The following RAP1B variants were observed in gnomAD, a reference collection of about 807,000 sequenced individuals.
RAP1B encodes RAP1B, member of RAS oncogene family.
Under a neutral mutation model 27.5 loss-of-function variants are expected in RAP1B, and 1 was observed. The observed-to-expected ratio is 0.04, with a 90% CI of 0.01 to 0.17. The LOEUF (loss-of-function observed/expected upper bound fraction) is 0.17. RAP1B is among the 10% of genes least tolerant of loss of function. RAP1B has a pLI of 1.00. For missense variants in RAP1B, 84 were observed against 214.8 expected (o/e 0.39, Z 3.81); for synonymous variants, 75 against 73.1 (o/e 1.03, Z -0.13).
intron 3 of RAP1B, chr12:68,651,019 T>C (rs1396308109): frequency 1.3e-5 from 2 of 152,262 alleles, no homozygotes; most frequent in Non-Finnish European, 2.9e-5. Context: ...CTCATACACA[T>C]AATCTTACAT....
At chr12:68,623,505 T>C (rs1374548380) in intron 1 of RAP1B, among the ~76,000 whole-genome samples, 1 of 152,186 alleles carries the variant, frequency 6.6e-6, no homozygotes, top group African/African-American at 2.4e-5. Flanking sequence ...GATTTCAGAA[T>C]TTTGAGGAAA....
chr12:68,635,468 C>CT (rs1872563999), intron 1 of RAP1B, among the ~76,000 whole-genome samples: 1 of 151,956 alleles, frequency 6.6e-6, no homozygotes, highest in South Asian at 2.1e-4. Flanking sequence ...TTTAAGGCCT[C>CT]TTTTTTTGAG....
intron 1 of RAP1B, among the ~76,000 whole-genome samples, chr12:68,642,363 CAAG>C (rs1452590904): frequency 6.6e-6 from 1 of 152,022 alleles, no homozygotes; most frequent in Non-Finnish European, 1.5e-5. Flanking sequence ...AAAGGCAACA[CAAG>C]AAGTTAAATG....
intron 5 of RAP1B, among the ~76,000 whole-genome samples, chr12:68,655,048 C>A (rs1240214843): frequency 1.3e-5 from 2 of 152,114 alleles, no homozygotes; most frequent in African/African-American, 4.8e-5. Context: ...TGGTGGCTCA[C>A]ACCTCTAATC....
chr12:68,616,173 A>G (rs1870988366), intron 1 of RAP1B, among the ~76,000 whole-genome samples: 1 of 152,090 alleles, frequency 6.6e-6, no homozygotes, highest in Non-Finnish European at 1.5e-5. Flanking sequence ...TGTGTTAGCC[A>G]GGATGGTCTG....
rs1433552853 is a variant in RAP1B at position 68,665,251 on chromosome 12, C to T, written c.*6002C>T. On this transcript the variant is annotated 3_prime_UTR_variant, in exon 8 of 8. Transcript: ENST00000250559. ...AGTAAATGTTACATAACTAAAGCAA[C>T]AGATTTGCCAGCTGTGTGAAAGATA... is the stretch of plus-strand genomic sequence containing the variant. The T allele has an allele frequency of 6.6e-6, 1 of 152,210 alleles. No homozygotes were observed. Among genetic ancestry groups the T allele is most frequent in the Admixed American group, 6.5e-5 (1 of 15,274 alleles). The allele number at this position is 152,210 out of a possible 1,614,324, so 9.4% of individuals were successfully genotyped here.
At chr12:68,657,341 A>T (rs1874276834) in intron 7 of RAP1B, 124 bp downstream of exon 7, 4 of 610,870 alleles carry the variant, frequency 6.5e-6, no homozygotes, top group Admixed American at 3.2e-5. Context: ...TTTTTATAAG[A>T]TATCCATGAG....
rs1244021362 is a variant in RAP1B, at chr12:68,669,930, T to C, written c.*10681T>C. On this transcript the variant is annotated 3_prime_UTR_variant, in exon 8 of 8. Transcript: ENST00000250559. ...TACGTGACAAAAATATATTTCTTTT[T>C]CTTTCTTTTTTTTTTTTTTTTTTTT... The C allele has an allele frequency of 8.6e-6, 1 of 115,668 alleles. No homozygotes were observed. The highest frequency in any genetic ancestry group is 1.8e-5 in the Non-Finnish European group (1 of 55,324). The allele number at this position is 115,668 out of a possible 1,614,324, so 7.2% of individuals were successfully genotyped here.
intron 1 of RAP1B, among the ~76,000 whole-genome samples, chr12:68,642,023 G>C (rs1437816876): frequency 6.6e-6 from 1 of 152,148 alleles, no homozygotes; most frequent in Admixed American, 6.6e-5. Flanking sequence ...ATAACATTAA[G>C]TTCATTTCGC....
chr12:68,647,374 CACTCCACT>C (rs1873487864), intron 1 of RAP1B, among the ~76,000 whole-genome samples: 1 of 39,396 alleles, frequency 2.5e-5, no homozygotes, highest in Non-Finnish European at 5.7e-5. Context: ...CCCTGCCCCC[CACTCCACT>C]CCCCGCCCCC....
At chr12:68,642,730 C>T in intron 1 of RAP1B, 1 of 1,080,672 alleles carries the variant, frequency 9.3e-7, no homozygotes, top group Admixed American at 1.7e-5. Flanking sequence ...CGGCATCCAC[C>T]TGCGCAGTAT....
At chr12:68,635,637 T>C (rs1785438071) in intron 1 of RAP1B, among the ~76,000 whole-genome samples, 1 of 151,792 alleles carries the variant, frequency 6.6e-6, no homozygotes, top group South Asian at 2.1e-4. Context: ...TGTATTTTGG[T>C]AGAGACGGGG....
chr12:68,637,014 A>C (rs1872673838), intron 1 of RAP1B, among the ~76,000 whole-genome samples: 1 of 152,126 alleles, frequency 6.6e-6, no homozygotes, highest in African/African-American at 2.4e-5. Context: ...GATTCATGGC[A>C]TCTGTCAATA....
In RAP1B at chr12:68,645,668, A is replaced by G. The variant is rs145794195; in HGVS notation, c.-26-3031A>G. Among the ~76,000 whole-genome samples, 5 of 152,370 alleles carry G rather than the reference A, an allele frequency of 3.3e-5. No homozygotes were observed. In the East Asian group the frequency reaches 9.6e-4, roughly 29 times the overall value. On this transcript the variant is annotated intron_variant, in intron 1 of 7. Coordinates refer to ENST00000250559, the MANE Select transcript of RAP1B (RefSeq NM_001010942.3). ...ACAGAGTTGTCTTTTCTGCAAAACT[A>G]GATGCAACCACACCATCCTAAAAAC...
chr12:68,641,812 GAAAATACTTTGAACAGT>G (rs1873029957), intron 1 of RAP1B, among the ~76,000 whole-genome samples: 1 of 151,274 alleles, frequency 6.6e-6, no homozygotes, highest in Non-Finnish European at 1.5e-5. Flanking sequence ...AAACAGTGTA[GAAAATACTTTGAACAGT>G]AGTGGAATTT....
intron 1 of RAP1B, among the ~76,000 whole-genome samples, chr12:68,628,107 A>G (rs1349302889): frequency 6.6e-6 from 1 of 152,114 alleles, no homozygotes; most frequent in East Asian, 1.9e-4. Flanking sequence ...CCTGTCTCTT[A>G]AAAAGAAGGA....
At position 68,669,929 on chromosome 12, in the gene RAP1B, T is replaced by C. The variant is rs1362701942; in HGVS notation, c.*10680T>C. 8.7e-6 allele frequency: 1 copy of C among 114,878 alleles called. No individual in the cohort carries two copies. The highest frequency in any genetic ancestry group is 3.0e-5 in the African/African-American group (1 of 33,252). 7.1% of individuals were successfully genotyped at this position (114,878 alleles called of 1,614,324 possible). On this transcript the variant is annotated 3_prime_UTR_variant, in exon 8 of 8. Coordinates refer to ENST00000250559, the MANE Select transcript of RAP1B (RefSeq NM_001010942.3). ...ATACGTGACAAAAATATATTTCTTT[T>C]TCTTTCTTTTTTTTTTTTTTTTTTT...
chr12:68,615,783 A>T (rs1004581067), intron 1 of RAP1B, among the ~76,000 whole-genome samples: 4 of 152,098 alleles, frequency 2.6e-5, no homozygotes, highest in Admixed American at 6.6e-5. Flanking sequence ...GTGTATATAT[A>T]TACACATACA....
rs1464507633 is a variant in RAP1B, at chr12:68,657,178, G to T, written c.546G>T (p.Gln182His). 6.2e-7 allele frequency: 1 copy of T among 1,609,270 alleles called. No individual in the cohort carries two copies. Among genetic ancestry groups the T allele is most frequent in the Non-Finnish European group, 8.5e-7 (1 of 1,175,792 alleles). Residue 182 changes from glutamine (Q) to histidine (H), a missense_variant, in exon 7 of 8, where the codon CAG becomes CAT. Physicochemically the swap from Gln to His is conservative, Grantham distance 24. Coordinates refer to ENST00000250559, the MANE Select transcript of RAP1B (RefSeq NM_001010942.3). ...AGGCTCGCAAAAAGTCATCATGTCA[G>T]CTGCTTTAATATACTAAATGCATTG... ...PGKARKKSSC[Q>H]LL
Sources: gnomAD v4.1 joint callset for allele counts (sites outside exome capture counted in the v4.1 genomes callset) on GRCh38, gnomAD v4.1.1 for gene constraint, MANE v1.5 for transcripts, NCBI Gene and HGNC (gene_info 2026-07-23, HGNC 2026-07-21) for gene names.